HIBCH: variants seen among roughly 807,000 people sequenced by gnomAD.
HIBCH encodes 3-hydroxyisobutyryl-CoA hydrolase, also known as 3-hydroxyisobutyryl-CoA hydrolase, mitochondrial.
A neutral mutation model predicts 58.2 loss-of-function variants in HIBCH; 50 were observed. That is an observed-to-expected ratio of 0.86 (90% CI 0.68 to 1.09). The LOEUF is 1.09. Among genes scored for constraint, HIBCH ranks in the 50% least tolerant of loss-of-function variants. The pLI, the probability that HIBCH is intolerant of heterozygous loss-of-function variation, is 0.00. For synonymous variants in HIBCH, 151 were observed against 146.9 expected (o/e 1.03, Z -0.20); for missense variants, 450 against 449.7 (o/e 1.00, Z -0.01).
Position 190,319,639 on chromosome 2 carries a change from C to A in HIBCH, c.35+77G>T. 4.7e-6 allele frequency: 6 copies of A among 1,277,876 alleles called. No individual in the cohort carries two copies. In the South Asian group the frequency reaches 6.2e-5, roughly 13 times the overall value. 79.2% of individuals were successfully genotyped at this position (1,277,876 alleles called of 1,614,324 possible). The stretch of plus-strand genomic sequence containing the variant: ...GACTCGAAACTTCGAGGCCAGCAGT[C>A]TCCACCCCCGGCCCTTTTCCCACTG... On this transcript the variant is annotated intron_variant, in intron 1 of 13. Transcript: ENST00000359678.
intron 2 of HIBCH, among the ~76,000 whole-genome samples, chr2:190,301,780 C>T (rs114686253): frequency 0.018 from 2,775 of 152,262 alleles, 90 homozygotes; most frequent in African/African-American, 0.063. Context: ...CCTGGTGAGA[C>T]CCCATTTTGC....
At chr2:190,274,658 T>A (rs1414780265) in intron 6 of HIBCH, among the ~76,000 whole-genome samples, 1 of 152,222 alleles carries the variant, frequency 6.6e-6, no homozygotes, top group Non-Finnish European at 1.5e-5. Context: ...TTAACATGTA[T>A]ACCTCATGTA....
At chr2:190,228,525 G>A (rs1441956244) in intron 11 of HIBCH, among the ~76,000 whole-genome samples, 1 of 146,372 alleles carries the variant, frequency 6.8e-6, no homozygotes, top group Non-Finnish European at 1.5e-5. Context: ...TTGTGCACAT[G>A]TACCCTAGAA....
chr2:190,224,646 A>G (rs543293402), intron 11 of HIBCH, among the ~76,000 whole-genome samples: 7 of 152,202 alleles, frequency 4.6e-5, no homozygotes, highest in Non-Finnish European at 1.0e-4. Flanking sequence ...AAGTCCTTAC[A>G]GACCTGCAAA....
chr2:190,247,825 A>T (rs147561478), intron 9 of HIBCH, among the ~76,000 whole-genome samples: 18 of 152,342 alleles, frequency 1.2e-4, no homozygotes, highest in African/African-American at 4.1e-4. Flanking sequence ...AGCTCAGATG[A>T]TCATTAGTAT....
intron 9 of HIBCH, 70 bp from the exon 10 acceptor site, chr2:190,246,282 T>G (rs993855255): frequency 3.3e-5 from 28 of 847,732 alleles, no homozygotes; most frequent in Middle Eastern, 3.4e-4. Flanking sequence ...TCATATTTAA[T>G]GATACACTTT....
chr2:190,201,542 T>C (rs1690243465), downstream of HIBCH: 3 of 167,080 alleles, frequency 1.8e-5, no homozygotes, highest in Admixed American at 2.0e-4. Flanking sequence ...GAGATAAATA[T>C]GTATTTGTCT....
In HIBCH at chr2:190,206,296, G is replaced by A. The variant is rs1396667148; in HGVS notation, c.1046-1064C>T. On this transcript the variant is annotated intron_variant, in intron 13 of 13. Coordinates refer to ENST00000359678, the MANE Select transcript of HIBCH (RefSeq NM_014362.4). The surrounding 1 kb of genome is among the most constrained non-coding windows in gnomAD (Gnocchi z 5.1). Reference sequence around the variant, plus strand: ...ATCAGTGGCGATATTAAATACTGATGTTCTGATCCCTACTATTTGAAAGTT... The same window carrying A: ...ATCAGTGGCGATATTAAATACTGATATTCTGATCCCTACTATTTGAAAGTT... Among the ~76,000 whole-genome samples the A allele has an allele frequency of 2.6e-5, 4 of 152,146 alleles. No homozygotes were observed. The highest frequency in any genetic ancestry group is 4.8e-5 in the African/African-American group (2 of 41,434).
chr2:190,223,854 T>C (rs12693564), intron 11 of HIBCH, among the ~76,000 whole-genome samples: 47,532 of 152,120 alleles, frequency 0.31, 8,548 homozygotes, highest in African/African-American at 0.47. Context: ...ATGTGGAAGA[T>C]GGGTGATTTC....
chr2:190,303,565 C>A (rs1688325124), intron 2 of HIBCH, among the ~76,000 whole-genome samples: 1 of 151,872 alleles, frequency 6.6e-6, no homozygotes, highest in Non-Finnish European at 1.5e-5. Context: ...AGATGATAGC[C>A]CAAAGAATAA....
Position 190,209,029 on chromosome 2 carries a change from G to A in HIBCH, c.1012-116C>T. ...CTCCCATGGCCACAACCTGAACCAT[G>A]ACATTCAGAGACTGAACCACCTCTG... is the stretch of plus-strand genomic sequence containing the variant. On this transcript the variant is annotated intron_variant, in intron 12 of 13. Coordinates refer to ENST00000359678, the MANE Select transcript of HIBCH (RefSeq NM_014362.4). The surrounding 1 kb of genome is among the most constrained non-coding windows in gnomAD (Gnocchi z 5.6). 1 of 846,664 alleles carries A rather than the reference G, an allele frequency of 1.2e-6. No individual in the cohort carries two copies. Among genetic ancestry groups the A allele is most frequent in the South Asian group, 1.4e-5 (1 of 70,654 alleles). 52.4% of individuals were successfully genotyped at this position (846,664 alleles called of 1,614,324 possible). A position where few individuals can be genotyped will look rare whatever the true frequency, so the allele number is the denominator to read the frequency against.
intron 11 of HIBCH, among the ~76,000 whole-genome samples, chr2:190,221,491 C>G (rs1011817933): frequency 1.3e-5 from 2 of 152,186 alleles, no homozygotes; most frequent in Non-Finnish European, 2.9e-5. Context: ...AAGGGCATGG[C>G]AGCATACAAA....
At chr2:190,297,201 C>A (rs984711169) in intron 2 of HIBCH, among the ~76,000 whole-genome samples, 8 of 152,096 alleles carry the variant, frequency 5.3e-5, no homozygotes, top group African/African-American at 1.2e-4. Context: ...TTATATAGAG[C>A]CCAGTCTAGA....
chr2:190,225,809 C>T (rs1685874847), intron 11 of HIBCH, among the ~76,000 whole-genome samples: 1 of 148,382 alleles, frequency 6.7e-6, no homozygotes, highest in South Asian at 2.1e-4. Context: ...CTGGTAGAGA[C>T]ACCACAAAAA....
chr2:190,212,175 C>G (rs71434687), intron 12 of HIBCH, among the ~76,000 whole-genome samples: 2,309 of 152,276 alleles, frequency 0.015, 62 homozygotes, highest in African/African-American at 0.051. Context: ...ACATAATAAA[C>G]AATAGACGTC....
chr2:190,267,571 A>G (rs185135862), intron 6 of HIBCH, among the ~76,000 whole-genome samples: 259 of 152,148 alleles, frequency 1.7e-3, no homozygotes, highest in Admixed American at 5.8e-3. Flanking sequence ...GTTTGTTCCT[A>G]TGGTTTCTCC....
At chr2:190,302,661 G>T (rs1688296451) in intron 2 of HIBCH, among the ~76,000 whole-genome samples, 1 of 152,148 alleles carries the variant, frequency 6.6e-6, no homozygotes, top group Non-Finnish European at 1.5e-5. Context: ...AAGGGAGGAG[G>T]TATTACAAGG....
chr2:190,294,337 G>C (rs1688049248), intron 4 of HIBCH, among the ~76,000 whole-genome samples: 1 of 151,746 alleles, frequency 6.6e-6, no homozygotes, highest in African/African-American at 2.4e-5. Context: ...TATTTGTGTA[G>C]TGAGAAAAAA....
chr2:190,200,063 A>G (rs775574541), downstream of HIBCH: 17 of 1,614,102 alleles, frequency 1.1e-5, no homozygotes, highest in South Asian at 2.2e-5. Context: ...CTGTCTCAGG[A>G]TATCTTGTGT....
Sources: gnomAD v4.1 joint callset for allele counts (sites outside exome capture counted in the v4.1 genomes callset) on GRCh38, gnomAD v4.1.1 for gene constraint, Gnocchi (gnomAD v3.1) non-coding constraint, MANE v1.5 for transcripts, NCBI Gene and HGNC (gene_info 2026-07-23, HGNC 2026-07-21) for gene names.